LINGO2: variants seen among roughly 807,000 people sequenced by gnomAD.
The protein encoded by LINGO2 is leucine-rich repeat and immunoglobulin-like domain-containing nogo receptor-interacting protein 2.
A neutral mutation model predicts 30.6 loss-of-function variants in LINGO2; 14 were observed. The observed-to-expected ratio is 0.46, with a 90% CI of 0.30 to 0.72. The LOEUF is 0.72. Ranked by LOEUF, LINGO2 falls within the 30% of genes least tolerant of loss-of-function variation. LINGO2 has a pLI of 0.07. For missense variants in LINGO2, 729 were observed against 751.7 expected (o/e 0.97, Z 0.35); for synonymous variants, 317 against 288.5 (o/e 1.10, Z -1.00).
chr9:28,932,601 CG>C, the LINGO2 span, among the ~76,000 whole-genome samples: 1 of 152,088 alleles, frequency 6.6e-6, no homozygotes, highest in Non-Finnish European at 1.5e-5. Context: ...AGTTCTAAAA[CG>C]GTTTCCTCTG....
At chr9:28,790,573 A>G in the LINGO2 span, among the ~76,000 whole-genome samples, 3 of 151,172 alleles carry the variant, frequency 2.0e-5, no homozygotes, top group African/African-American at 7.3e-5. Context: ...TGACGTCGTG[A>G]TCCACACGCC....
At chr9:28,392,875 T>A (rs1283853468) in intron 2 of LINGO2, among the ~76,000 whole-genome samples, 1 of 152,192 alleles carries the variant, frequency 6.6e-6, no homozygotes, top group Non-Finnish European at 1.5e-5. Context: ...ATCAAAAATA[T>A]TTCTTATGGC....
chr9:28,536,331 C>T (rs1052678009), intron 1 of LINGO2, among the ~76,000 whole-genome samples: 4 of 151,836 alleles, frequency 2.6e-5, no homozygotes, highest in African/African-American at 9.7e-5. Context: ...GGATTTTTAC[C>T]CCTTACATAA....
chr9:27,953,231 G>C (rs1819400904), intron 5 of LINGO2, among the ~76,000 whole-genome samples: 2 of 152,134 alleles, frequency 1.3e-5, no homozygotes, highest in Admixed American at 1.3e-4. Flanking sequence ...TGATATAGTA[G>C]ATTTAAATAT....
chr9:28,158,663 C>A (rs1026875933), intron 4 of LINGO2, among the ~76,000 whole-genome samples: 1 of 152,092 alleles, frequency 6.6e-6, no homozygotes, highest in African/African-American at 2.4e-5. Flanking sequence ...CCTAGGGTAA[C>A]AATGAAGAGC....
At chr9:28,996,114 G>T in the LINGO2 span, among the ~76,000 whole-genome samples, 3 of 115,082 alleles carry the variant, frequency 2.6e-5, no homozygotes, top group Non-Finnish European at 3.4e-5. Context: ...TTTATATATT[G>T]CTTTAAAAAA....
chr9:28,940,222 G>T, the LINGO2 span, among the ~76,000 whole-genome samples: 1 of 152,048 alleles, frequency 6.6e-6, no homozygotes, highest in South Asian at 2.1e-4. Context: ...ATGACTCCCT[G>T]TCTCTGTTGC....
chr9:28,002,540 T>A (rs1024204927), intron 5 of LINGO2, among the ~76,000 whole-genome samples: 4 of 152,234 alleles, frequency 2.6e-5, no homozygotes, highest in African/African-American at 9.6e-5. Flanking sequence ...TTTAAAATAG[T>A]TCAAATCATG....
chr9:28,974,539 T>A, the LINGO2 span, among the ~76,000 whole-genome samples: 24 of 152,154 alleles, frequency 1.6e-4, no homozygotes, highest in Non-Finnish European at 3.5e-4. Flanking sequence ...AAAATGGGAG[T>A]TCCCTTGTTA....
intron 1 of LINGO2, among the ~76,000 whole-genome samples, chr9:28,506,761 GT>G (rs1272323292): frequency 2.6e-5 from 4 of 151,274 alleles, no homozygotes; most frequent in African/African-American, 9.7e-5. Flanking sequence ...TTGTCTCTAG[GT>G]ACCATAATTA....
Position 28,148,691 on chromosome 9 carries a change from G to A in LINGO2, c.-86-136286C>T, listed in dbSNP as rs138054479. 3.5e-5 allele frequency: 53 copies of A among 1,533,784 alleles called. No individual in the cohort carries two copies. The Admixed American group carries it at 7.5e-4, about 22-fold the overall frequency. ...GCCTGCAGTGAGTTTCTACTCCAACGGCCATGGAGTCGCCAGTTCACACAG... is the reference window on the plus strand; with the variant it reads ...GCCTGCAGTGAGTTTCTACTCCAACAGCCATGGAGTCGCCAGTTCACACAG... On this transcript the variant is annotated intron_variant, in intron 4 of 5. Transcript: ENST00000379992. The surrounding 1 kb of genome is among the most constrained non-coding windows in gnomAD (Gnocchi z 5.1).
chr9:28,152,117 A>G (rs1045057490), intron 4 of LINGO2, among the ~76,000 whole-genome samples: 1 of 152,138 alleles, frequency 6.6e-6, no homozygotes, highest in African/African-American at 2.4e-5. Context: ...TAACCTTCAA[A>G]TCCCATGTTG....
At chr9:28,943,887 G>A in the LINGO2 span, among the ~76,000 whole-genome samples, 1 of 152,154 alleles carries the variant, frequency 6.6e-6, no homozygotes, top group Non-Finnish European at 1.5e-5. Context: ...ATCTTGTCGA[G>A]CTAAGATTAA....
rs16913261 is a variant in LINGO2, at chr9:28,502,952, C to T, written c.-364-26927G>A. Among the ~76,000 whole-genome samples, 774 of 152,100 alleles carry T rather than the reference C, an allele frequency of 5.1e-3. 34 individuals carry two copies. In the East Asian group the frequency reaches 0.089, roughly 17 times the overall value. ...ATAGTTCCTGTGCAGATAATGTAGG[C>T]CAAAGACAATCAATAGCCATGGCTC... On this transcript the variant is annotated intron_variant, in intron 1 of 5. Transcript: ENST00000379992.
At chr9:28,623,492 A>G (rs1826508493) in intron 1 of LINGO2, among the ~76,000 whole-genome samples, 1 of 152,010 alleles carries the variant, frequency 6.6e-6, no homozygotes. Flanking sequence ...GTCAAATACG[A>G]GTTCACTTTA....
At chr9:28,595,153 C>T (rs1040728411) in intron 1 of LINGO2, among the ~76,000 whole-genome samples, 4 of 152,034 alleles carry the variant, frequency 2.6e-5, no homozygotes, top group Non-Finnish European at 4.4e-5. Context: ...ATATCTATCA[C>T]TTAAGATAGG....
At chr9:28,370,578 C>T (rs985640279) in intron 3 of LINGO2, among the ~76,000 whole-genome samples, 1 of 152,136 alleles carries the variant, frequency 6.6e-6, no homozygotes, top group African/African-American at 2.4e-5. Context: ...TAGCCATGAG[C>T]TTTACCTTCA....
chr9:28,712,286 C>T, the LINGO2 span, among the ~76,000 whole-genome samples: 2 of 151,920 alleles, frequency 1.3e-5, no homozygotes, highest in African/African-American at 4.8e-5. Flanking sequence ...CAGCATTGCA[C>T]CCACTTGAAT....
chr9:28,404,887 A>G (rs1177262321), intron 2 of LINGO2, among the ~76,000 whole-genome samples: 1 of 123,520 alleles, frequency 8.1e-6, no homozygotes, highest in African/African-American at 3.3e-5. Flanking sequence ...TTAAAACTAG[A>G]GGCTCAGCCG....
Sources: gnomAD v4.1 joint callset for allele counts (sites outside exome capture counted in the v4.1 genomes callset) on GRCh38, gnomAD v4.1.1 for gene constraint, Gnocchi (gnomAD v3.1) non-coding constraint, MANE v1.5 for transcripts, NCBI Gene and HGNC (gene_info 2026-07-23, HGNC 2026-07-21) for gene names.